The following MYH9 variants were observed in gnomAD, a reference collection of about 807,000 sequenced individuals.
The protein encoded by MYH9 is myosin-9.
Under a neutral mutation model 241.9 loss-of-function variants are expected in MYH9, and 29 were observed. The observed-to-expected ratio is 0.12, with a 90% CI of 0.09 to 0.16. The LOEUF (loss-of-function observed/expected upper bound fraction) is 0.16. MYH9 is among the 10% of genes least tolerant of loss of function. The pLI, the probability that MYH9 is intolerant of heterozygous loss-of-function variation, is 1.00. For missense variants in MYH9, 1,803 were observed against 2,595.5 expected, an observed-to-expected ratio of 0.69 and a Z score of 6.63; for synonymous variants, 1,047 against 1,062.6, an observed-to-expected ratio of 0.99 and a Z score of 0.29.
Position 36,314,165 on chromosome 22 carries a change from T to C in MYH9, c.1534A>G (p.Ile512Val), listed in dbSNP as rs568228938. 10 of 1,614,214 alleles carry C rather than the reference T, an allele frequency of 6.2e-6. No homozygotes were observed. In the South Asian group the frequency reaches 1.1e-4, roughly 18 times the overall value. The change falls in exon 13 of 41, where the codon ATC (isoleucine) becomes GTC (valine). Residue 512 changes from isoleucine to valine, a missense_variant. Coordinates refer to ENST00000216181, the MANE Select transcript of MYH9 (RefSeq NM_002473.6). ...IDFGLDLQPC[I>V]DLIEKPAGPP... Reference sequence around the variant, plus strand: ...CTCACTGGCTTCTCAATGAGGTCGATGCAGGGCTGCAGGTCGAGGCCAAAG... The same window carrying C: ...CTCACTGGCTTCTCAATGAGGTCGACGCAGGGCTGCAGGTCGAGGCCAAAG...
At chr22:36,378,224 C>G (rs1000471812) in intron 1 of MYH9, among the ~76,000 whole-genome samples, 1 of 151,852 alleles carries the variant, frequency 6.6e-6, no homozygotes, top group African/African-American at 2.4e-5. Flanking sequence ...TAGTGAGTTG[C>G]TATCGCGCCA....
intron 1 of MYH9, among the ~76,000 whole-genome samples, chr22:36,351,073 A>T (rs2017758139): frequency 6.6e-6 from 1 of 152,210 alleles, no homozygotes; most frequent in Non-Finnish European, 1.5e-5. Flanking sequence ...GAAAGAACAA[A>T]GGGAAAAATC....
In MYH9 at chr22:36,282,605, G is replaced by A. The variant is rs1056949669; in HGVS notation, c.*63C>T. ...AAGGTGGGGAGAGGCGTGCTGCGGG[G>A]TCTGGGAAGGGGAGGCTGTGGTGTC... On this transcript the variant is annotated 3_prime_UTR_variant, in exon 41 of 41. Coordinates refer to ENST00000216181, the MANE Select transcript of MYH9 (RefSeq NM_002473.6). The A allele has an allele frequency of 2.8e-5, 41 of 1,476,734 alleles. No individual in the cohort carries two copies. The highest frequency in any genetic ancestry group is 3.4e-5 in the Non-Finnish European group (36 of 1,058,674). 91.5% of individuals were successfully genotyped at this position (1,476,734 alleles called of 1,614,324 possible).
intron 1 of MYH9, among the ~76,000 whole-genome samples, chr22:36,357,446 C>T (rs759012952): frequency 3.9e-5 from 6 of 152,280 alleles, no homozygotes; most frequent in Admixed American, 3.3e-4. Context: ...TCCTGTGCCA[C>T]GTGGGGTATT....
chr22:36,305,235 AAAG>A lies in MYH9; in HGVS notation c.2160-136_2160-134del, dbSNP rs1288581021. 4.8e-6 allele frequency: 4 copies of A among 838,026 alleles called. No individual in the cohort carries two copies. The highest frequency in any genetic ancestry group is 7.9e-6 in the Non-Finnish European group (4 of 504,212). 51.9% of individuals were successfully genotyped at this position (838,026 alleles called of 1,614,324 possible). ...ATTCTTTACACAAACTCTCCTAAGG[AAAG>A]AAGACACAGGCAAATCCCACCCCAC... On this transcript the variant is annotated intron_variant, in intron 17 of 40. Coordinates refer to ENST00000216181, the MANE Select transcript of MYH9 (RefSeq NM_002473.6). The surrounding 1 kb of genome is among the most constrained non-coding windows in gnomAD (Gnocchi z 4.7).
intron 9 of MYH9, chr22:36,319,948 T>C (rs2017223874): frequency 1.6e-6 from 1 of 606,896 alleles, no homozygotes; most frequent in Non-Finnish European, 2.9e-6. Context: ...ATATTCTACT[T>C]TCAGCAAATG....
At position 36,288,370 on chromosome 22, in the gene MYH9, C is replaced by T. The variant is rs2016625697; in HGVS notation, c.4814G>A (p.Arg1605His). The stretch of plus-strand genomic sequence containing the variant: ...CTTCCGGGCGGCCACTGCCATCGAG[C>T]GCTGCTTCCTCTCGTCCTCCAGCTC... ...EAELEDERKQ[R>H]SMAVAARKKL... The change falls in exon 34 of 41, where the codon CGC becomes CAC. Residue 1605 changes from arginine to histidine, a missense_variant. This residue lies in a region of MYH9 where 876 missense variants were observed against 1,077.8 expected (regional missense o/e 0.81). Coordinates refer to ENST00000216181, the MANE Select transcript of MYH9 (RefSeq NM_002473.6). The surrounding 1 kb of genome is among the most constrained non-coding windows in gnomAD (Gnocchi z 4.8). 5 of 1,613,544 alleles carry T rather than the reference C, an allele frequency of 3.1e-6. No homozygotes were observed. The highest frequency in any genetic ancestry group is 1.3e-5 in the African/African-American group (1 of 75,044).
At chr22:36,377,162 G>A (rs554391027) in intron 1 of MYH9, among the ~76,000 whole-genome samples, 1 of 152,220 alleles carries the variant, frequency 6.6e-6, no homozygotes, top group South Asian at 2.1e-4. Flanking sequence ...ACAGCATAGG[G>A]ACAGAAATGA....
chr22:36,297,551 G>GAT (rs2016807744), intron 24 of MYH9, among the ~76,000 whole-genome samples: 1 of 152,162 alleles, frequency 6.6e-6, no homozygotes, highest in South Asian at 2.1e-4. Flanking sequence ...AAAGCACCTA[G>GAT]AACAGTGCCT....
intron 12 of MYH9, among the ~76,000 whole-genome samples, chr22:36,314,652 T>A (rs895454702): frequency 1.3e-5 from 2 of 151,894 alleles, no homozygotes; most frequent in African/African-American, 2.4e-5. Context: ...TTTTTTTTTT[T>A]ATTTTTTATT....
intron 13 of MYH9, among the ~76,000 whole-genome samples, chr22:36,313,228 C>T (rs1003135820): frequency 1.3e-5 from 2 of 151,764 alleles, no homozygotes; most frequent in African/African-American, 4.8e-5. Flanking sequence ...CTTTGGGAGG[C>T]CGAGGAGGGC....
At chr22:36,294,793 C>A in intron 27 of MYH9, 139 bp downstream of exon 27, 1 of 1,117,406 alleles carries the variant, frequency 8.9e-7, no homozygotes, top group Non-Finnish European at 1.3e-6. Flanking sequence ...AGTCACAAAG[C>A]CCCTTAGAAG....
rs76438852 is a variant in MYH9, at chr22:36,361,286, G to A, written c.-19-12031C>T. 3.4e-3 allele frequency among the ~76,000 whole-genome samples: 520 copies of A among 150,958 alleles called. 3 individuals are homozygous for A. Among genetic ancestry groups the A allele is most frequent in the African/African-American group, 0.013 (505 of 40,256 alleles). On this transcript the variant is annotated intron_variant, in intron 1 of 40. Transcript: ENST00000216181. ...GCTTAGCAGATAAGAAAACCAGAGA[G>A]GAACTTAGTGCCCGGGCCCCAGAGC...
In MYH9 at chr22:36,346,151, CAAAAAAAA is replaced by C. The variant is rs56232061; in HGVS notation, c.333+2745_333+2752del. Among the ~76,000 whole-genome samples, 311 of 121,304 alleles carry C rather than the reference CAAAAAAAA, an allele frequency of 2.6e-3. 1 individual carries two copies. Among genetic ancestry groups the C allele is most frequent in the African/African-American group, 8.6e-3 (286 of 33,132 alleles). The allele number at this position is 121,304 out of a possible 152,430, so 79.6% of individuals were successfully genotyped here. On this transcript the variant is annotated intron_variant, in intron 2 of 40. Coordinates refer to ENST00000216181, the MANE Select transcript of MYH9 (RefSeq NM_002473.6). ...TGGGTGACAAAGTGAGACTCCGTCT[CAAAAAAAA>C]AAAAAAAAAGAAGGCTGGGTTGTAA...
chr22:36,313,286 C>A (rs142261462), intron 13 of MYH9, among the ~76,000 whole-genome samples: 9 of 151,224 alleles, frequency 6.0e-5, no homozygotes, highest in African/African-American at 2.2e-4. Flanking sequence ...TCCGCCTCCA[C>A]TAAAAATACA....
intron 1 of MYH9, among the ~76,000 whole-genome samples, chr22:36,352,467 G>A (rs2017781207): frequency 1.3e-5 from 2 of 152,292 alleles, no homozygotes; most frequent in South Asian, 4.1e-4. Context: ...AACCCATCTG[G>A]TAGCCTGGCT....
At chr22:36,335,894 T>A (rs1401634898) in intron 3 of MYH9, among the ~76,000 whole-genome samples, 2 of 152,190 alleles carry the variant, frequency 1.3e-5, no homozygotes, top group Non-Finnish European at 2.9e-5. Context: ...CGAAGAGCCA[T>A]GCTCAGACGT....
At chr22:36,339,018 C>CT (rs1275667457) in intron 3 of MYH9, among the ~76,000 whole-genome samples, 1 of 151,892 alleles carries the variant, frequency 6.6e-6, no homozygotes, top group Non-Finnish European at 1.5e-5. Flanking sequence ...TCTCTGCATC[C>CT]TTTTTTTTGT....
At chr22:36,377,676 A>T (rs1036839122) in intron 1 of MYH9, among the ~76,000 whole-genome samples, 1 of 152,040 alleles carries the variant, frequency 6.6e-6, no homozygotes, top group South Asian at 2.1e-4. Context: ...TTGGGAGGCC[A>T]AGGCGGGCGG....
Sources: gnomAD v4.1 joint callset for allele counts (sites outside exome capture counted in the v4.1 genomes callset) on GRCh38, gnomAD v4.1.1 for gene constraint, gnomAD v4.1.1 regional missense constraint, Gnocchi (gnomAD v3.1) non-coding constraint, MANE v1.5 for transcripts, NCBI Gene and HGNC (gene_info 2026-07-23, HGNC 2026-07-21) for gene names.